The following ACSM2A variants were observed in gnomAD, a reference collection of about 807,000 sequenced individuals.
ACSM2A encodes acyl-coenzyme A synthetase ACSM2A, mitochondrial.
In ACSM2A, 72 loss-of-function variants were observed where a neutral mutation model predicts 76.6. That is an observed-to-expected ratio of 0.94 (90% CI 0.78 to 1.14). The LOEUF is 1.14. Among genes scored for constraint, ACSM2A ranks in the 50% most tolerant of loss-of-function variants. ACSM2A has a pLI of 0.00. For missense variants in ACSM2A, 684 were observed against 708.5 expected (o/e 0.97, Z 0.39); for synonymous variants, 249 against 255.9 (o/e 0.97, Z 0.26).
chr16:20,459,887 G>T (rs115557186), intron 1 of ACSM2A, among the ~76,000 whole-genome samples: 2,215 of 152,278 alleles, frequency 0.015, 71 homozygotes, highest in African/African-American at 0.05. Flanking sequence ...TGTTGAAGAT[G>T]TGGGATCTAG....
intron 2 of ACSM2A, among the ~76,000 whole-genome samples, chr16:20,462,987 A>T (rs1320561608): frequency 6.6e-6 from 1 of 150,846 alleles, no homozygotes; most frequent in Non-Finnish European, 1.5e-5. Flanking sequence ...AAGGACAAAA[A>T]AACCAAACAC....
intron 4 of ACSM2A, 150 bp downstream of exon 4, chr16:20,469,869 GGTAT>G (rs2013271080): frequency 8.5e-6 from 7 of 824,590 alleles, no homozygotes; most frequent in East Asian, 4.0e-5. Context: ...CTAACACAAG[GGTAT>G]TTTTTTTTTT....
intron 1 of ACSM2A, among the ~76,000 whole-genome samples, chr16:20,457,088 C>T (rs1317985772): frequency 6.6e-6 from 1 of 152,040 alleles, no homozygotes; most frequent in East Asian, 1.9e-4. Context: ...ATACAACCCT[C>T]CTAGCTTAAG....
In ACSM2A at chr16:20,486,797, G is replaced by C. The variant is rs1567380014; in HGVS notation, c.*119G>C. On this transcript the variant is annotated 3_prime_UTR_variant, in exon 14 of 14. Coordinates refer to ENST00000573854, the MANE Select transcript of ACSM2A (RefSeq NM_001308172.2). ...ATGGAAGAACATGAATATAAGTTTT[G>C]TCTTGCCTTGGTTATTAGCACAAAA... The C allele has an allele frequency of 8.5e-6, 11 of 1,290,798 alleles. 1 individual carries two copies. The East Asian group carries it at 1.2e-4, about 14-fold the overall frequency. The allele number at this position is 1,290,798 out of a possible 1,614,324, so 80.0% of individuals were successfully genotyped here.
rs765430690 is a variant in ACSM2A at position 20,478,579 on chromosome 16, A to G, written c.1183A>G (p.Ile395Val). ...TAASCYDVQI[I>V]DDKGNVLPPG... ...TCCAATCTGCTTCTTTCTCCAGATC[A>G]TAGATGATAAGGGCAACGTCCTGCC... Residue 395 changes from isoleucine to valine, a missense_variant, in exon 10 of 14, where the codon ATA becomes GTA. Transcript: ENST00000573854. 3 of 1,613,540 alleles carry G rather than the reference A, an allele frequency of 1.9e-6. No homozygotes were observed. The highest frequency in any genetic ancestry group is 2.5e-6 in the Non-Finnish European group (3 of 1,179,618).
intron 1 of ACSM2A, among the ~76,000 whole-genome samples, chr16:20,455,100 G>GA (rs139157302): frequency 1.7e-4 from 22 of 132,640 alleles, no homozygotes; most frequent in African/African-American, 5.6e-4. Context: ...CAAAGACAAA[G>GA]AAAAAAAAAA....
At position 20,486,635 on chromosome 16, in the gene ACSM2A, G is replaced by C; in HGVS notation, c.1691G>C (p.Arg564Pro). Residue 564 changes from arginine to proline, a missense_variant, in exon 14 of 14, where the codon CGA (arginine) becomes CCA (proline). Arg to Pro is a moderately radical substitution (Grantham distance 103, BLOSUM62 -2). Transcript: ENST00000573854. ...VTGKIQRAKL[R>P]DKEWKMSGKA... is the part of the protein sequence containing the mutation. Reference sequence around the variant, plus strand: ...GGGAAAATTCAACGAGCCAAGCTTCGAGACAAGGAGTGGAAGATGTCCGGA... The same window carrying C: ...GGGAAAATTCAACGAGCCAAGCTTCCAGACAAGGAGTGGAAGATGTCCGGA... 3 of 1,614,158 alleles carry C rather than the reference G, an allele frequency of 1.9e-6. No homozygotes were observed. The highest frequency in any genetic ancestry group is 1.1e-5 in the South Asian group (1 of 91,074).
At chr16:20,464,021 T>C (rs1476688647) in intron 2 of ACSM2A, among the ~76,000 whole-genome samples, 1 of 152,174 alleles carries the variant, frequency 6.6e-6, no homozygotes, top group Non-Finnish European at 1.5e-5. Context: ...ATGAACACAA[T>C]GCAGCCAAGT....
intron 2 of ACSM2A, among the ~76,000 whole-genome samples, chr16:20,464,479 T>A (rs2012845681): frequency 6.6e-6 from 1 of 152,088 alleles, no homozygotes; most frequent in Non-Finnish European, 1.5e-5. Flanking sequence ...TGGTGGAAGA[T>A]GAAGAAAGAG....
chr16:20,458,907 T>TATATATATATATATATATATGC (rs2012405012), intron 1 of ACSM2A, among the ~76,000 whole-genome samples: 5 of 36,544 alleles, frequency 1.4e-4, no homozygotes, highest in African/African-American at 3.2e-4. Flanking sequence ...TATATATGCA[T>TATATATATATATATATATATGC]ATATATATAT....
intron 12 of ACSM2A, chr16:20,482,514 G>T (rs1389153873): frequency 6.5e-6 from 1 of 153,422 alleles, no homozygotes; most frequent in South Asian, 2.0e-4. Context: ...TGTAAGCCTG[G>T]CACTATCATA....
At chr16:20,484,209 C>T (rs1002309669) in intron 13 of ACSM2A, among the ~76,000 whole-genome samples, 6 of 149,824 alleles carry the variant, frequency 4.0e-5, no homozygotes, top group African/African-American at 2.5e-5. Flanking sequence ...GCTGCCCTAC[C>T]CCATGACATG....
At chr16:20,480,437 G>C in intron 10 of ACSM2A, 136 bp from the exon 11 acceptor site, 1 of 1,459,550 alleles carries the variant, frequency 6.9e-7, no homozygotes, top group Non-Finnish European at 9.2e-7. Context: ...CTGGTTCAGG[G>C]CATGTCTGCC....
chr16:20,477,983 A>G (rs1256025972), intron 9 of ACSM2A, among the ~76,000 whole-genome samples: 6 of 152,164 alleles, frequency 3.9e-5, no homozygotes, highest in African/African-American at 1.4e-4. Flanking sequence ...TTTGAGAACT[A>G]GAATTTGTGT....
intron 13 of ACSM2A, among the ~76,000 whole-genome samples, chr16:20,485,069 T>C (rs1223059877): frequency 1.3e-5 from 2 of 152,150 alleles, no homozygotes; most frequent in Non-Finnish European, 2.9e-5. Context: ...AGAATAATGC[T>C]GTTACCCCTT....
chr16:20,466,238 A>C (rs943039417), intron 3 of ACSM2A, among the ~76,000 whole-genome samples: 5 of 152,142 alleles, frequency 3.3e-5, no homozygotes, highest in Non-Finnish European at 7.4e-5. Context: ...GGCCCTTTGC[A>C]GAAAAAGTTT....
chr16:20,458,694 C>CTA lies in ACSM2A; in HGVS notation c.-8-1403_-8-1402dup, dbSNP rs542833894. On this transcript the variant is annotated intron_variant, in intron 1 of 13. Coordinates refer to ENST00000573854, the MANE Select transcript of ACSM2A (RefSeq NM_001308172.2). ...TATATCTATATATCTCTATATCTGT[C>CTA]TATATATATATCATCTTCCATGAAG... 3.8e-3 allele frequency among the ~76,000 whole-genome samples: 525 copies of CTA among 137,724 alleles called. 1 individual carries two copies. Among genetic ancestry groups the CTA allele is most frequent in the Middle Eastern group, 0.015 (4 of 264 alleles). 90.4% of individuals were successfully genotyped at this position (137,724 alleles called of 152,430 possible).
intron 12 of ACSM2A, 117 bp from the exon 13 acceptor site, chr16:20,482,941 C>T (rs181920760): frequency 1.8e-5 from 26 of 1,477,422 alleles, no homozygotes; most frequent in Admixed American, 1.7e-4. Context: ...CCTGGATCAC[C>T]GGGGGTGCAA....
chr16:20,453,829 A>C (rs1419988305), intron 1 of ACSM2A: 1 of 130,022 alleles, frequency 7.7e-6, no homozygotes, highest in Non-Finnish European at 1.6e-5. Flanking sequence ...CGGTTGAGAT[A>C]AGGACTGAAA....
Sources: gnomAD v4.1 joint callset for allele counts (sites outside exome capture counted in the v4.1 genomes callset) on GRCh38, gnomAD v4.1.1 for gene constraint, MANE v1.5 for transcripts, NCBI Gene and HGNC (gene_info 2026-07-23, HGNC 2026-07-21) for gene names.